C12orf54: variants seen among roughly 807,000 people sequenced by gnomAD.
C12orf54 encodes uncharacterized protein C12orf54.
A neutral mutation model predicts 26.4 loss-of-function variants in C12orf54; 24 were observed. The observed-to-expected ratio is 0.91, with a 90% CI of 0.66 to 1.28. C12orf54 has a LOEUF of 1.28. C12orf54 is among the 50% of genes most tolerant of loss of function. The pLI, the probability that C12orf54 is intolerant of heterozygous loss-of-function variation, is 0.00. For synonymous variants in C12orf54, 54 were observed against 47.0 expected, an observed-to-expected ratio of 1.15 and a Z score of -0.61; for missense variants, 154 against 150.9, an observed-to-expected ratio of 1.02 and a Z score of -0.11.
upstream of C12orf54, among the ~76,000 whole-genome samples, chr12:48,478,507 T>TAA (rs1270367265): frequency 5.3e-5 from 8 of 152,330 alleles, no homozygotes; most frequent in African/African-American, 1.7e-4. Flanking sequence ...CCCCATCATC[T>TAA]CAGCCCAAAA....
chr12:48,418,006 C>A, the C12orf54 span, among the ~76,000 whole-genome samples: 1 of 152,086 alleles, frequency 6.6e-6, no homozygotes, highest in Non-Finnish European at 1.5e-5. Flanking sequence ...TAGGTTGATT[C>A]CATGTCTTTG....
the C12orf54 span, among the ~76,000 whole-genome samples, chr12:48,415,507 C>T: frequency 6.6e-6 from 1 of 152,122 alleles, no homozygotes; most frequent in African/African-American, 2.4e-5. Context: ...CACAGCTAAC[C>T]TCTCTATTCT....
the C12orf54 span, among the ~76,000 whole-genome samples, chr12:48,462,427 A>G: frequency 1.3e-5 from 2 of 151,690 alleles, no homozygotes; most frequent in Non-Finnish European, 3.0e-5. Flanking sequence ...AAATCGGACT[A>G]TGACATCATA....
the C12orf54 span, among the ~76,000 whole-genome samples, chr12:48,432,931 A>G: frequency 6.6e-6 from 1 of 152,172 alleles, no homozygotes; most frequent in Non-Finnish European, 1.5e-5. Context: ...ATTAAAATGT[A>G]ATGTTAAAAT....
chr12:48,489,380 C>G (rs1937733475), intron 5 of C12orf54: 1 of 303,476 alleles, frequency 3.3e-6, no homozygotes. Flanking sequence ...ACCTCTTCCT[C>G]TGCTCTCCTC....
chr12:48,461,265 G>A, the C12orf54 span, among the ~76,000 whole-genome samples: 5 of 151,814 alleles, frequency 3.3e-5, no homozygotes, highest in Non-Finnish European at 5.9e-5. Flanking sequence ...AGAGAACTAA[G>A]GAGAAATAGA....
At chr12:48,433,605 C>A in the C12orf54 span, among the ~76,000 whole-genome samples, 1 of 151,992 alleles carries the variant, frequency 6.6e-6, no homozygotes, top group South Asian at 2.1e-4. Flanking sequence ...CCACCACCAC[C>A]CCTGGCTAAT....
chr12:48,474,997 C>G, the C12orf54 span, among the ~76,000 whole-genome samples: 5 of 152,218 alleles, frequency 3.3e-5, no homozygotes, highest in African/African-American at 4.8e-5. Flanking sequence ...AGGCACCCCC[C>G]AGTAGGGGCA....
chr12:48,481,503 G>A (rs76792359), upstream of C12orf54, among the ~76,000 whole-genome samples: 86 of 152,222 alleles, frequency 5.6e-4, no homozygotes, highest in East Asian at 0.016. Context: ...GTCCATGGTG[G>A]TCTCACTAGT....
chr12:48,440,255 G>C, the C12orf54 span, among the ~76,000 whole-genome samples: 1 of 152,086 alleles, frequency 6.6e-6, no homozygotes, highest in African/African-American at 2.4e-5. Flanking sequence ...TCTTGAGAAG[G>C]TAGTAAAGAT....
the C12orf54 span, among the ~76,000 whole-genome samples, chr12:48,425,585 A>T: frequency 1.3e-5 from 2 of 152,084 alleles, no homozygotes; most frequent in Non-Finnish European, 2.9e-5. Flanking sequence ...TCCTCTGGGT[A>T]TATACCCAGT....
At chr12:48,461,085 C>T in the C12orf54 span, among the ~76,000 whole-genome samples, 12 of 151,906 alleles carry the variant, frequency 7.9e-5, no homozygotes, top group African/African-American at 2.4e-4. Context: ...AAAGATATTC[C>T]GTGCTGACAC....
At chr12:48,443,060 T>C in the C12orf54 span, 1 of 152,238 alleles carries the variant, frequency 6.6e-6, no homozygotes, top group Non-Finnish European at 1.5e-5. Context: ...ATTTTCTTGC[T>C]TACCTAAACA....
chr12:48,423,583 G>C, the C12orf54 span, among the ~76,000 whole-genome samples: 3 of 151,978 alleles, frequency 2.0e-5, no homozygotes, highest in East Asian at 5.8e-4. Flanking sequence ...CCAAATTAAA[G>C]AAGAATAAAG....
At chr12:48,424,297 C>T in the C12orf54 span, among the ~76,000 whole-genome samples, 19,448 of 151,930 alleles carry the variant, frequency 0.13, 2,557 homozygotes, top group East Asian at 0.66. Context: ...GATATTTGTT[C>T]GGAGTTTTCT....
chr12:48,472,596 G>C, the C12orf54 span: 2 of 1,578,144 alleles, frequency 1.3e-6, no homozygotes, highest in Non-Finnish European at 1.7e-6. Context: ...TCAAATGTGC[G>C]GTTGTGGGTT....
chr12:48,430,067 G>A, the C12orf54 span, among the ~76,000 whole-genome samples: 1 of 152,124 alleles, frequency 6.6e-6, no homozygotes, highest in African/African-American at 2.4e-5. Context: ...AGTGGGAAAG[G>A]ACATCCTTTT....
the C12orf54 span, among the ~76,000 whole-genome samples, chr12:48,444,945 G>A: frequency 6.6e-6 from 1 of 152,178 alleles, no homozygotes; most frequent in Admixed American, 6.5e-5. Flanking sequence ...GGCCGAGGTG[G>A]GCGGATCACG....
the C12orf54 span, among the ~76,000 whole-genome samples, chr12:48,451,829 A>G: frequency 7.9e-5 from 12 of 152,252 alleles, no homozygotes; most frequent in Non-Finnish European, 1.6e-4. Context: ...CTGCTCAAAG[A>G]AATCAGAAAT....
Sources: gnomAD v4.1 joint callset for allele counts (sites outside exome capture counted in the v4.1 genomes callset) on GRCh38, gnomAD v4.1.1 for gene constraint, MANE v1.5 for transcripts, NCBI Gene and HGNC (gene_info 2026-07-23, HGNC 2026-07-21) for gene names.